Variants in CHI3L2 observed in about 807,000 individuals in gnomAD.
CHI3L2 encodes chitinase 3 like 2, also known as chitinase-3-like protein 2.
In CHI3L2, 47 loss-of-function variants were observed where a neutral mutation model predicts 47.3. That is an observed-to-expected ratio of 0.99 (90% confidence interval 0.79 to 1.27). The LOEUF is 1.27. Ranked by LOEUF, CHI3L2 falls within the 50% of genes most tolerant of loss-of-function variation. The probability of loss-of-function intolerance (pLI) is 0.00; values close to 1 mark genes in which losing one functional copy is unlikely to be tolerated. For synonymous variants in CHI3L2, 198 were observed against 169.9 expected, an observed-to-expected ratio of 1.17 and a Z score of -1.28; for missense variants, 497 against 462.1, an observed-to-expected ratio of 1.08 and a Z score of -0.69.
At chr1:111,240,707 G>A (rs1660022106) in intron 8 of CHI3L2, among the ~76,000 whole-genome samples, 2 of 152,188 alleles carry the variant, frequency 1.3e-5, no homozygotes, top group African/African-American at 4.8e-5. Context: ...ATGTTGAAAT[G>A]CATTGTTTAA....
intron 5 of CHI3L2, 45 bp downstream of exon 5, chr1:111,235,102 G>T (rs1659840472): frequency 3.8e-6 from 6 of 1,589,942 alleles, no homozygotes; most frequent in Non-Finnish European, 5.2e-6. Flanking sequence ...ATGCCACGGT[G>T]TACTCAGTAC....
intron 2 of CHI3L2, among the ~76,000 whole-genome samples, chr1:111,230,138 A>G (rs922944479): frequency 3.4e-4 from 52 of 152,112 alleles, no homozygotes; most frequent in African/African-American, 1.2e-3. Context: ...AACATACACA[A>G]TGTTTGTATT....
rs764847072 is a variant in CHI3L2 at position 111,241,401 on chromosome 1, C to T, written c.993C>T (p.Asn331=). 22 of 1,608,836 alleles carry T rather than the reference C, an allele frequency of 1.4e-5. No individual in the cohort carries two copies. The highest frequency in any genetic ancestry group is 1.8e-5 in the Non-Finnish European group (21 of 1,175,266). Reference sequence around the variant, plus strand: ...AGGTTCCCTACGCAGTCAAGGGGAACCAGTGGGTGGGCTATGATGATGTGA... The same window carrying T: ...AGGTTCCCTACGCAGTCAAGGGGAATCAGTGGGTGGGCTATGATGATGTGA... ...DQQVPYAVKG[N]QWVGYDDVKS... Residue 331 remains asparagine (N), a synonymous_variant, in exon 9 of 11, where the codon AAC becomes AAT. Transcript: ENST00000369748.
At chr1:111,242,394 G>T in intron 10 of CHI3L2, 28 bp downstream of exon 10, 1 of 1,572,148 alleles carries the variant, frequency 6.4e-7, no homozygotes, top group African/African-American at 1.4e-5. Flanking sequence ...AGCTGGGAGT[G>T]GGCAGACAGC....
intron 8 of CHI3L2, chr1:111,239,157 C>T: frequency 4.4e-6 from 2 of 453,710 alleles, no homozygotes; most frequent in Non-Finnish European, 7.6e-6. Context: ...TGGAGCTAGC[C>T]AGGAATGGGG....
intron 8 of CHI3L2, 55 bp downstream of exon 8, chr1:111,238,987 C>A: frequency 6.7e-7 from 1 of 1,488,300 alleles, no homozygotes; most frequent in Non-Finnish European, 9.0e-7. Context: ...GTAGATGTTC[C>A]ATCTTCAATT....
chr1:111,227,713 A>G lies in CHI3L2; in HGVS notation c.-17A>G, dbSNP rs1276131498. On this transcript the variant is annotated 5_prime_UTR_variant, in exon 1 of 11. Transcript: ENST00000369748. Reference sequence around the variant, plus strand: ...AGACCTAGAGAATGTGTATCCCAGAAGAAGCTGGCCAAGGATATGGGAGCA... The same window carrying G: ...AGACCTAGAGAATGTGTATCCCAGAGGAAGCTGGCCAAGGATATGGGAGCA... The G allele has an allele frequency of 4.3e-6, 7 of 1,613,952 alleles. No individual in the cohort carries two copies. Among genetic ancestry groups the G allele is most frequent in the Non-Finnish European group, 5.9e-6 (7 of 1,179,914 alleles).
At chr1:111,229,186 T>A (rs1659616574) in intron 1 of CHI3L2, among the ~76,000 whole-genome samples, 1 of 152,202 alleles carries the variant, frequency 6.6e-6, no homozygotes, top group Admixed American at 6.5e-5. Context: ...CAGACTGGAC[T>A]ATGAGCTCCT....
At chr1:111,229,410 C>T (rs1158116460) in intron 1 of CHI3L2, among the ~76,000 whole-genome samples, 5 of 152,072 alleles carry the variant, frequency 3.3e-5, no homozygotes, top group Non-Finnish European at 7.4e-5. Flanking sequence ...AGGCCGGGCG[C>T]GGTGGCTCAC....
At chr1:111,238,671 A>G in intron 7 of CHI3L2, 79 bp from the exon 8 acceptor site, 2 of 1,448,424 alleles carry the variant, frequency 1.4e-6, no homozygotes, top group Non-Finnish European at 1.9e-6. Context: ...ACCTCTGTGA[A>G]GTTTGGGATA....
intron 7 of CHI3L2, among the ~76,000 whole-genome samples, chr1:111,237,979 T>C (rs1659932390): frequency 6.6e-6 from 1 of 152,250 alleles, no homozygotes; most frequent in African/African-American, 2.4e-5. Context: ...CCTTGGTCTC[T>C]ACACCACTTA....
At chr1:111,234,415 C>A (rs184088967) in intron 4 of CHI3L2, among the ~76,000 whole-genome samples, 1 of 152,290 alleles carries the variant, frequency 6.6e-6, no homozygotes, top group African/African-American at 2.4e-5. Context: ...GGGATGGATT[C>A]TTGCTAAACT....
At position 111,238,933 on chromosome 1, in the gene CHI3L2, G is replaced by T; in HGVS notation, c.918+1G>T. On this transcript the variant is annotated splice_donor_variant, in intron 8 of 10. Transcript: ENST00000369748. LOFTEE classifies it high-confidence loss of function. ...TTCAGGCTTCCTGGCCTATTATGAG[G>T]TACCTGGAAACCCCCTGTACCCTCA... 6.3e-7 allele frequency: 1 copy of T among 1,585,676 alleles called. No individual in the cohort carries two copies. The highest frequency in any genetic ancestry group is 8.6e-7 in the Non-Finnish European group (1 of 1,168,844).
At chr1:111,235,848 G>T in intron 6 of CHI3L2, 85 bp downstream of exon 6, 1 of 1,567,918 alleles carries the variant, frequency 6.4e-7, no homozygotes. Context: ...ACGGATGAGG[G>T]GAGGAGGAAG....
At chr1:111,242,002 C>A (rs576937425) in intron 9 of CHI3L2, among the ~76,000 whole-genome samples, 4 of 152,256 alleles carry the variant, frequency 2.6e-5, no homozygotes, top group African/African-American at 7.2e-5. Flanking sequence ...CCAAGAATGC[C>A]GGACCTTGAG....
intron 8 of CHI3L2, among the ~76,000 whole-genome samples, chr1:111,239,583 G>A (rs1048907473): frequency 6.6e-6 from 1 of 152,156 alleles, no homozygotes; most frequent in African/African-American, 2.4e-5. Flanking sequence ...AGGGATAGGA[G>A]GAACCCACCC....
At chr1:111,238,988 A>G (rs1659969576) in intron 8 of CHI3L2, 56 bp downstream of exon 8, 2 of 1,487,492 alleles carry the variant, frequency 1.3e-6, no homozygotes, top group South Asian at 1.4e-5. Flanking sequence ...TAGATGTTCC[A>G]TCTTCAATTT....
chr1:111,242,955 G>A (rs1660105196), intron 10 of CHI3L2, among the ~76,000 whole-genome samples: 1 of 152,172 alleles, frequency 6.6e-6, no homozygotes, highest in Non-Finnish European at 1.5e-5. Context: ...TGCAGATGAA[G>A]GCTGTTGCTG....
In CHI3L2 at chr1:111,242,259, A is replaced by G; in HGVS notation, c.1068A>G (p.Gly356=). The change falls in exon 10 of 11, where the codon GGA becomes GGG. Residue 356 remains glycine, a synonymous_variant. Transcript: ENST00000369748. The part of the protein sequence containing the change: ...VQFLKNLNLG[G]AMIWSIDMDD... Reference sequence around the variant, plus strand: ...TCTTAAAGAATTTAAACCTGGGAGGAGCCATGATCTGGTCTATTGACATGG... The same window carrying G: ...TCTTAAAGAATTTAAACCTGGGAGGGGCCATGATCTGGTCTATTGACATGG... 1 of 1,614,120 alleles carries G rather than the reference A, an allele frequency of 6.2e-7. No homozygotes were observed. Among genetic ancestry groups the G allele is most frequent in the Non-Finnish European group, 8.5e-7 (1 of 1,180,012 alleles).
Sources: gnomAD v4.1 joint callset for allele counts (sites outside exome capture counted in the v4.1 genomes callset) on GRCh38, gnomAD v4.1.1 for gene constraint, MANE v1.5 for transcripts, NCBI Gene and HGNC (gene_info 2026-07-23, HGNC 2026-07-21) for gene names.